The following RALYL variants were observed in gnomAD, a reference collection of about 807,000 sequenced individuals.
RALYL encodes the protein RALY RNA binding protein like.
RALYL carries 29 observed loss-of-function variants against 35.1 expected under a neutral mutation model. The observed-to-expected ratio is 0.83, with a 90% CI of 0.61 to 1.13. The LOEUF (loss-of-function observed/expected upper bound fraction) is 1.13, where lower values mean the gene tolerates loss of function less well. Among genes scored for constraint, RALYL ranks in the 50% most tolerant of loss-of-function variants. The pLI is 0.00. For missense variants in RALYL, 359 were observed against 360.4 expected, an observed-to-expected ratio of 1.00 and a Z score of 0.03; for synonymous variants, 120 against 127.6, an observed-to-expected ratio of 0.94 and a Z score of 0.40.
At chr8:84,567,973 T>C (rs1376989948) in intron 2 of RALYL, among the ~76,000 whole-genome samples, 1 of 151,846 alleles carries the variant, frequency 6.6e-6, no homozygotes, top group African/African-American at 2.4e-5. Flanking sequence ...TGAGCATTCT[T>C]TTCATGTGTT....
intron 4 of RALYL, among the ~76,000 whole-genome samples, chr8:84,841,005 G>T (rs1000377054): frequency 1.3e-5 from 2 of 152,202 alleles, no homozygotes; most frequent in Non-Finnish European, 2.9e-5. Context: ...ACCAGCCACT[G>T]CAAAAACATG....
chr8:84,767,885 A>G (rs1814499326), intron 2 of RALYL, among the ~76,000 whole-genome samples: 1 of 152,224 alleles, frequency 6.6e-6, no homozygotes, highest in Non-Finnish European at 1.5e-5. Flanking sequence ...CTTCTGCACA[A>G]TGACTACAAA....
chr8:84,315,824 A>G (rs1843657745), intron 1 of RALYL, among the ~76,000 whole-genome samples: 2 of 152,038 alleles, frequency 1.3e-5, no homozygotes, highest in African/African-American at 2.4e-5. Flanking sequence ...GCCTGAAAAA[A>G]AAAAAAAACT....
intron 1 of RALYL, among the ~76,000 whole-genome samples, chr8:84,304,783 G>C (rs558500370): frequency 6.6e-6 from 1 of 152,246 alleles, no homozygotes; most frequent in Non-Finnish European, 1.5e-5. Flanking sequence ...AGGTAAAACT[G>C]TGCAGTAATG....
At chr8:84,305,454 CGT>C (rs1181170429) in intron 1 of RALYL, among the ~76,000 whole-genome samples, 3 of 151,946 alleles carry the variant, frequency 2.0e-5, no homozygotes, top group Non-Finnish European at 1.5e-5. Flanking sequence ...GGAAAAATAA[CGT>C]ATATAGAGGA....
intron 2 of RALYL, among the ~76,000 whole-genome samples, chr8:84,633,832 C>T (rs1184880103): frequency 6.6e-6 from 1 of 151,786 alleles, no homozygotes; most frequent in East Asian, 1.9e-4. Flanking sequence ...CCATCAAAGT[C>T]TATGCAATCA....
At chr8:84,530,127 T>C (rs2059179695) in intron 2 of RALYL, among the ~76,000 whole-genome samples, 1 of 152,130 alleles carries the variant, frequency 6.6e-6, no homozygotes, top group African/African-American at 2.4e-5. Context: ...TTCTGTCTAA[T>C]GTTCAAGAAA....
At chr8:84,503,455 C>A (rs1160244452) in intron 1 of RALYL, among the ~76,000 whole-genome samples, 1 of 151,586 alleles carries the variant, frequency 6.6e-6, no homozygotes, top group Non-Finnish European at 1.5e-5. Flanking sequence ...ACCATTCATA[C>A]CCACTTCACT....
intron 2 of RALYL, among the ~76,000 whole-genome samples, chr8:84,740,954 A>G (rs563795465): frequency 3.9e-5 from 6 of 151,996 alleles, no homozygotes; most frequent in Non-Finnish European, 7.4e-5. Context: ...ACTTTTGTAT[A>G]TTAGGTACTC....
At chr8:84,832,108 C>T (rs898789233) in intron 4 of RALYL, among the ~76,000 whole-genome samples, 13 of 152,008 alleles carry the variant, frequency 8.6e-5, no homozygotes, top group African/African-American at 2.7e-4. Flanking sequence ...AATTTGAATA[C>T]GTTTACTGTT....
chr8:84,535,246 T>C (rs1408299752), intron 2 of RALYL, among the ~76,000 whole-genome samples: 1 of 152,230 alleles, frequency 6.6e-6, no homozygotes, highest in African/African-American at 2.4e-5. Flanking sequence ...TGCAAGATTG[T>C]TGGCTCACAT....
intron 1 of RALYL, among the ~76,000 whole-genome samples, chr8:84,494,489 T>C (rs1196188445): frequency 6.6e-6 from 1 of 152,174 alleles, no homozygotes; most frequent in African/African-American, 2.4e-5. Context: ...TAAATTACTT[T>C]GGGCAGTATG....
chr8:84,548,018 G>T (rs1205122860), intron 2 of RALYL, among the ~76,000 whole-genome samples: 1 of 151,754 alleles, frequency 6.6e-6, no homozygotes, highest in Non-Finnish European at 1.5e-5. Flanking sequence ...AATTTCTCCA[G>T]GTTAAAAATG....
chr8:84,456,906 C>T (rs912202747), intron 1 of RALYL, among the ~76,000 whole-genome samples: 1 of 151,904 alleles, frequency 6.6e-6, no homozygotes, highest in African/African-American at 2.4e-5. Context: ...GATGTAATTG[C>T]CCTCCTTGGA....
intron 1 of RALYL, among the ~76,000 whole-genome samples, chr8:84,484,194 C>A (rs1342438924): frequency 2.0e-5 from 3 of 152,050 alleles, no homozygotes; most frequent in Non-Finnish European, 4.4e-5. Flanking sequence ...AATTCAAAAA[C>A]TTTAACATTC....
At chr8:84,334,839 A>G (rs1214045881) in intron 1 of RALYL, among the ~76,000 whole-genome samples, 1 of 152,096 alleles carries the variant, frequency 6.6e-6, no homozygotes, top group African/African-American at 2.4e-5. Flanking sequence ...CATTAGCACA[A>G]TCTCTAGTCC....
intron 3 of RALYL, among the ~76,000 whole-genome samples, chr8:84,796,171 A>G (rs949571200): frequency 2.6e-5 from 4 of 152,214 alleles, no homozygotes; most frequent in East Asian, 1.9e-4. Context: ...CAGTGCCTGT[A>G]CAGACCAACC....
intron 2 of RALYL, among the ~76,000 whole-genome samples, chr8:84,732,042 G>T (rs1846275165): frequency 6.6e-6 from 1 of 151,980 alleles, no homozygotes; most frequent in Non-Finnish European, 1.5e-5. Flanking sequence ...ACTTCCTCAG[G>T]AGTCTTCCTT....
At chr8:84,538,645 T>C (rs1276991226) in intron 2 of RALYL, among the ~76,000 whole-genome samples, 1 of 152,104 alleles carries the variant, frequency 6.6e-6, no homozygotes, top group Non-Finnish European at 1.5e-5. Context: ...AATATTCTAA[T>C]TGTGGAGTAA....
Sources: allele counts gnomAD v4.1 joint callset (sites outside exome capture counted in the v4.1 genomes callset), GRCh38; gene constraint gnomAD v4.1.1; transcripts MANE v1.5; gene names NCBI Gene and HGNC (gene_info 2026-07-23, HGNC 2026-07-21).